PNLDC1: variants seen among roughly 807,000 people sequenced by gnomAD.
PNLDC1 encodes the protein poly(A)-specific ribonuclease PNLDC1.
Under a neutral mutation model 82.0 loss-of-function variants are expected in PNLDC1, and 70 were observed. That is an observed-to-expected ratio of 0.85 (90% confidence interval 0.70 to 1.04). The LOEUF is 1.04. PNLDC1 is among the 50% of genes least tolerant of loss of function. The pLI, the probability that PNLDC1 is intolerant of heterozygous loss-of-function variation, is 0.00. For synonymous variants in PNLDC1, 280 were observed against 249.3 expected, an observed-to-expected ratio of 1.12 and a Z score of -1.16; for missense variants, 631 against 661.1, an observed-to-expected ratio of 0.95 and a Z score of 0.50.
chr6:159,817,781 G>A (rs1269527700), intron 15 of PNLDC1, among the ~76,000 whole-genome samples: 2 of 152,218 alleles, frequency 1.3e-5, no homozygotes, highest in African/African-American at 2.4e-5. Flanking sequence ...AAATTCTAAT[G>A]TGTGCTTTGG....
In PNLDC1 at chr6:159,804,001, TACA is replaced by T; in HGVS notation, c.288_290del (p.Thr97del). The T allele has an allele frequency of 6.2e-7, 1 of 1,613,230 alleles. No individual in the cohort carries two copies. Among genetic ancestry groups the T allele is most frequent in the Non-Finnish European group, 8.5e-7 (1 of 1,179,104 alleles). On this transcript the variant is annotated inframe_deletion, in exon 5 of 19. Coordinates refer to ENST00000392167, the MANE Select transcript of PNLDC1 (RefSeq NM_001271862.2). The stretch of plus-strand genomic sequence containing the variant: ...ATTCTTGTAACTTCTATCTCTTCCC[TACA>T]ACGTTTGGGATTTTGGACTCAGAAT...
Position 159,801,320 on chromosome 6 carries a change from C to T in PNLDC1, c.208+134C>T, listed in dbSNP as rs186044901. ...TTTGTATGCTTGTTTTGTGTTGGGCCATTGTATACATATGGAAATCAACAC... is the reference window on the plus strand; with the variant it reads ...TTTGTATGCTTGTTTTGTGTTGGGCTATTGTATACATATGGAAATCAACAC... On this transcript the variant is annotated intron_variant, in intron 3 of 18. Transcript: ENST00000392167. The T allele has an allele frequency of 2.4e-4, 207 of 848,870 alleles. 1 individual carries two copies. The African/African-American group carries it at 2.7e-3, about 11-fold the overall frequency. The allele number at this position is 848,870 out of a possible 1,614,324, so 52.6% of individuals were successfully genotyped here. A position where few individuals can be genotyped will look rare whatever the true frequency, so the allele number is the denominator to read the frequency against.
chr6:159,810,102 G>A lies in PNLDC1; in HGVS notation c.853+7G>A, dbSNP rs1781597231. 2.5e-6 allele frequency: 4 copies of A among 1,611,708 alleles called. No homozygotes were observed. The highest frequency in any genetic ancestry group is 1.3e-5 in the African/African-American group (1 of 74,986). On this transcript the variant is annotated splice_region_variant and intron_variant, in intron 10 of 18. Coordinates refer to ENST00000392167, the MANE Select transcript of PNLDC1 (RefSeq NM_001271862.2). The stretch of plus-strand genomic sequence containing the variant: ...TTCTTCAGACCCCTCCCAGGTAGGG[G>A]CAAACCTGTCATTTCTCTTCCTTCA...
intron 7 of PNLDC1, 63 bp from the exon 8 acceptor site, chr6:159,808,677 C>T: frequency 6.8e-7 from 1 of 1,474,324 alleles, no homozygotes; most frequent in Non-Finnish European, 9.4e-7. Flanking sequence ...TCCAGGGCTT[C>T]TCTTGTGGGG....
intron 7 of PNLDC1, 144 bp downstream of exon 7, chr6:159,806,227 G>A: frequency 3.0e-6 from 2 of 668,406 alleles, no homozygotes; most frequent in East Asian, 2.7e-5. Context: ...TTGTTTGGCG[G>A]TTACGGAGTC....
chr6:159,813,613 C>T lies in PNLDC1; in HGVS notation c.952C>T (p.Pro318Ser), dbSNP rs1400653141. Residue 318 changes from proline (P) to serine (S), a missense_variant, in exon 12 of 19, where the codon CCG becomes TCG. By Grantham distance (74) the Pro-to-Ser change is moderately conservative (BLOSUM62 -1). Coordinates refer to ENST00000392167, the MANE Select transcript of PNLDC1 (RefSeq NM_001271862.2). ...TCCATGATTGTAGGAGATGAATTTC[C>T]CGAGGGTGTCGAATCTTTCGGAAGT... ...TKDIWKEMNFPRVSNLSEVYE... is the reference protein window; with the variant it reads ...TKDIWKEMNFSRVSNLSEVYE... 1.7e-5 allele frequency: 27 copies of T among 1,613,188 alleles called. No homozygotes were observed. The highest frequency in any genetic ancestry group is 2.3e-5 in the Non-Finnish European group (27 of 1,179,180).
At chr6:159,816,334 T>C (rs1018492421) in intron 13 of PNLDC1, among the ~76,000 whole-genome samples, 2 of 150,902 alleles carry the variant, frequency 1.3e-5, no homozygotes, top group Non-Finnish European at 3.0e-5. Flanking sequence ...TCCTCCTTAA[T>C]GTGGTCCTTA....
Position 159,818,560 on chromosome 6 carries a change from A to G in PNLDC1, c.1163A>G (p.Asp388Gly), listed in dbSNP as rs144359056. Residue 388 changes from aspartate (D) to glycine (G), a missense_variant, in exon 16 of 19, where the codon GAC becomes GGC. Physicochemically the swap from Asp to Gly is moderately conservative, Grantham distance 94. Coordinates refer to ENST00000392167, the MANE Select transcript of PNLDC1 (RefSeq NM_001271862.2). The stretch of plus-strand genomic sequence containing the variant: ...GGGGTTTTCTGTCCTTGCAGCATCG[A>G]CCCCGTGCCCGAGTCATCCTTTCCT... ...HLLLQKIYHI[D>G]PVPESSFPQY... 4 of 1,613,112 alleles carry G rather than the reference A, an allele frequency of 2.5e-6. No homozygotes were observed. In the South Asian group the frequency reaches 3.3e-5, roughly 13 times the overall value.
At chr6:159,808,873 G>A (rs1562500333) in intron 8 of PNLDC1, 57 bp downstream of exon 8, 2 of 1,597,960 alleles carry the variant, frequency 1.3e-6, no homozygotes, top group Non-Finnish European at 1.7e-6. Context: ...TCTCATAATT[G>A]GCCAAATCTG....
chr6:159,808,545 A>AAC (rs1364056821), intron 7 of PNLDC1, among the ~76,000 whole-genome samples, 195 bp from the exon 8 acceptor site: 70 of 151,880 alleles, frequency 4.6e-4, no homozygotes, highest in Non-Finnish European at 6.2e-4. Flanking sequence ...AAAAAAAAAA[A>AAC]AACTCTTAGA....
Position 159,800,854 on chromosome 6 carries a change from T to A in PNLDC1, c.134+25T>A, listed in dbSNP as rs987703828. 2.5e-6 allele frequency: 4 copies of A among 1,613,934 alleles called. No individual in the cohort carries two copies. The East Asian group carries it at 8.9e-5, about 36-fold the overall frequency. On this transcript the variant is annotated intron_variant, in intron 2 of 18. Coordinates refer to ENST00000392167, the MANE Select transcript of PNLDC1 (RefSeq NM_001271862.2). ...GGTAAAACTAAAGCTGTGTCCCCTC[T>A]GTATAAGAGCCTGGCCAGACCAGCA... is the stretch of plus-strand genomic sequence containing the variant.
chr6:159,809,502 C>T (rs1458451379), intron 9 of PNLDC1, among the ~76,000 whole-genome samples: 1 of 150,826 alleles, frequency 6.6e-6, no homozygotes, highest in East Asian at 1.9e-4. Flanking sequence ...CAGTGTTGCC[C>T]AGAGTGGTCT....
Position 159,820,689 on chromosome 6 carries a change from G to T in PNLDC1, c.*172G>T. On this transcript the variant is annotated 3_prime_UTR_variant, in exon 19 of 19. Coordinates refer to ENST00000392167, the MANE Select transcript of PNLDC1 (RefSeq NM_001271862.2). ...TGTCAACACTCTCAATGATAAATCA[G>T]TCCTTAGATATCGTACCTGTATGTG... 1.5e-6 allele frequency: 1 copy of T among 645,494 alleles called. No individual in the cohort carries two copies. The highest frequency in any genetic ancestry group is 2.8e-5 in the East Asian group (1 of 36,054). The allele number at this position is 645,494 out of a possible 1,614,324, so 40.0% of individuals were successfully genotyped here. A position where few individuals can be genotyped will look rare whatever the true frequency, so the allele number is the denominator to read the frequency against.
At chr6:159,814,954 G>A (rs566014984) in intron 12 of PNLDC1, among the ~76,000 whole-genome samples, 8 of 152,238 alleles carry the variant, frequency 5.3e-5, no homozygotes, top group Non-Finnish European at 1.0e-4. Context: ...GCACACCCAC[G>A]ACGACGACGC....
intron 6 of PNLDC1, chr6:159,805,720 C>A (rs1781423269): frequency 2.3e-6 from 1 of 426,058 alleles, no homozygotes; most frequent in Admixed American, 3.4e-5. Flanking sequence ...ATACCAATAG[C>A]TTTTCCTCCA....
intron 6 of PNLDC1, 102 bp downstream of exon 6, chr6:159,804,739 C>A: frequency 1.2e-6 from 1 of 814,204 alleles, no homozygotes; most frequent in South Asian, 1.7e-5. Flanking sequence ...GACCTCCATC[C>A]ATGCTTGGCG....
intron 14 of PNLDC1, among the ~76,000 whole-genome samples, 182 bp downstream of exon 14, chr6:159,816,778 G>GCATGCCACCA (rs1467527744): frequency 6.6e-6 from 1 of 152,028 alleles, no homozygotes; most frequent in African/African-American, 2.4e-5. Flanking sequence ...GACTACAGGT[G>GCATGCCACCA]CATGCCACCA....
At chr6:159,799,949 T>G (rs781063861), upstream of PNLDC1, among the ~76,000 whole-genome samples, 1 of 152,168 alleles carries the variant, frequency 6.6e-6, no homozygotes, top group African/African-American at 2.4e-5. Flanking sequence ...CCTGCTCCGC[T>G]TTTCTGATTT....
chr6:159,819,529 G>C lies in PNLDC1; in HGVS notation c.1532+177G>C, dbSNP rs1263816976. ...TTCAGTGATGCCGCGTGTCTGTCGA[G>C]CACCTGCTGTGCTGGGCACCATCGT... On this transcript the variant is annotated intron_variant, in intron 18 of 18. Coordinates refer to ENST00000392167, the MANE Select transcript of PNLDC1 (RefSeq NM_001271862.2). This position sits in a 1 kb window ranked among gnomAD's most constrained non-coding sequence, Gnocchi z 4.6. Among the ~76,000 whole-genome samples the C allele has an allele frequency of 6.6e-6, 1 of 152,224 alleles. No homozygotes were observed. The highest frequency in any genetic ancestry group is 2.4e-5 in the African/African-American group (1 of 41,458).
Sources: allele counts gnomAD v4.1 joint callset (sites outside exome capture counted in the v4.1 genomes callset), GRCh38; gene constraint gnomAD v4.1.1; non-coding constraint Gnocchi (gnomAD v3.1); transcripts MANE v1.5; gene names NCBI Gene and HGNC (gene_info 2026-07-23, HGNC 2026-07-21).